Variants in TLL1 observed in about 807,000 individuals in gnomAD.
TLL1 encodes tolloid-like protein 1.
In TLL1, 49 loss-of-function variants were observed where a neutral mutation model predicts 128.2. That is an observed-to-expected ratio of 0.38 (90% confidence interval 0.30 to 0.48). TLL1 has a LOEUF of 0.48. TLL1 is among the 20% of genes least tolerant of loss of function. The probability of loss-of-function intolerance (pLI) is 0.96; values close to 1 mark genes in which losing one functional copy is unlikely to be tolerated. For synonymous variants in TLL1, 454 were observed against 418.8 expected (o/e 1.08, Z -1.03); for missense variants, 1,123 against 1,242.0 (o/e 0.90, Z 1.44).
rs368901691 is a variant in TLL1, at chr4:166,099,476, T to C, written c.2856T>C (p.Phe952=). ...ADCGYDYVEL[F]DGLDSTAVGL... is the part of the protein sequence containing the mutation. Reference sequence around the variant, plus strand: ...GTGGCTATGACTATGTGGAGCTCTTTGATGGTCTTGATTCAACAGCTGTGG... The same window carrying C: ...GTGGCTATGACTATGTGGAGCTCTTCGATGGTCTTGATTCAACAGCTGTGG... The change falls in exon 20 of 21, where the codon TTT becomes TTC. Residue 952 remains phenylalanine, a synonymous_variant. Transcript: ENST00000061240. 203 of 1,613,384 alleles carry C rather than the reference T, an allele frequency of 1.3e-4. No individual in the cohort carries two copies. Among genetic ancestry groups the C allele is most frequent in the Non-Finnish European group, 1.6e-4 (193 of 1,179,638 alleles).
intron 1 of TLL1, among the ~76,000 whole-genome samples, chr4:165,901,321 G>A (rs753636182): frequency 5.3e-5 from 8 of 152,072 alleles, no homozygotes; most frequent in Admixed American, 3.3e-4. Context: ...GAGAAGAGAC[G>A]TTCTTGTTTT....
At chr4:166,030,367 C>T (rs1738708191) in intron 9 of TLL1, 2 of 415,148 alleles carry the variant, frequency 4.8e-6, no homozygotes, top group Admixed American at 8.4e-5. Flanking sequence ...TTGATTTTGT[C>T]TTTCAACTGT....
intron 1 of TLL1, among the ~76,000 whole-genome samples, chr4:165,930,575 C>T (rs1323474486): frequency 6.6e-6 from 1 of 152,026 alleles, no homozygotes; most frequent in African/African-American, 2.4e-5. Flanking sequence ...TTATGGTCCA[C>T]AAAGACTACA....
intron 1 of TLL1, among the ~76,000 whole-genome samples, chr4:165,890,845 G>A (rs1731369205): frequency 1.3e-5 from 2 of 152,232 alleles, no homozygotes; most frequent in South Asian, 4.1e-4. Context: ...TGGGGACTCT[G>A]TGTGGGTGTT....
chr4:166,037,452 A>G (rs1442507396), intron 9 of TLL1, among the ~76,000 whole-genome samples: 1 of 152,202 alleles, frequency 6.6e-6, no homozygotes, highest in Admixed American at 6.5e-5. Flanking sequence ...GTGAAGAAAA[A>G]GAAAAACAGA....
At chr4:166,018,178 A>G (rs1738039215) in intron 8 of TLL1, among the ~76,000 whole-genome samples, 1 of 152,174 alleles carries the variant, frequency 6.6e-6, no homozygotes, top group African/African-American at 2.4e-5. Context: ...AAAGGCAGAC[A>G]AAAACAAGCA....
chr4:165,954,512 C>A lies in TLL1; in HGVS notation c.170-34869C>A, dbSNP rs149326127. Reference sequence around the variant, plus strand: ...AAGAACTGGATTCTGGTTTCTTCTTCATGGCTCTGTGTCCTCTGCTTTTGG... The same window carrying A: ...AAGAACTGGATTCTGGTTTCTTCTTAATGGCTCTGTGTCCTCTGCTTTTGG... On this transcript the variant is annotated intron_variant, in intron 1 of 20. Coordinates refer to ENST00000061240, the MANE Select transcript of TLL1 (RefSeq NM_012464.5). Among the ~76,000 whole-genome samples the A allele has an allele frequency of 3.5e-3, 533 of 152,176 alleles. 6 individuals carry two copies. The highest frequency in any genetic ancestry group is 0.012 in the African/African-American group (500 of 41,548).
At chr4:165,989,571 AT>A in intron 2 of TLL1, 80 bp downstream of exon 2, 4 of 1,009,380 alleles carry the variant, frequency 4.0e-6, no homozygotes, top group East Asian at 2.4e-5. Context: ...TTTTTGGATC[AT>A]TTTTCATCTC....
At chr4:166,006,488 G>A (rs1737432925) in intron 6 of TLL1, among the ~76,000 whole-genome samples, 1 of 151,642 alleles carries the variant, frequency 6.6e-6, no homozygotes, top group Non-Finnish European at 1.5e-5. Flanking sequence ...TAGAGAATCT[G>A]GTCCCATATT....
chr4:165,937,006 C>T (rs913563319), intron 1 of TLL1, among the ~76,000 whole-genome samples: 6 of 152,060 alleles, frequency 3.9e-5, no homozygotes, highest in Non-Finnish European at 8.8e-5. Flanking sequence ...TTTATTGTCC[C>T]TACTTTTAAA....
chr4:165,952,813 T>A (rs904226911), intron 1 of TLL1, among the ~76,000 whole-genome samples: 19 of 152,122 alleles, frequency 1.2e-4, no homozygotes, highest in South Asian at 2.1e-4. Flanking sequence ...AATAAAAAAA[T>A]TTAAAGAAAA....
chr4:165,964,799 T>C (rs1039023390), intron 1 of TLL1, among the ~76,000 whole-genome samples: 1 of 152,070 alleles, frequency 6.6e-6, no homozygotes, highest in Non-Finnish European at 1.5e-5. Context: ...TAGCTGGGCA[T>C]GGTGGTGCAT....
intron 18 of TLL1, among the ~76,000 whole-genome samples, chr4:166,082,853 T>C (rs1439881482): frequency 3.3e-5 from 5 of 151,936 alleles, no homozygotes; most frequent in Admixed American, 3.3e-4. Flanking sequence ...AATTTTTGTA[T>C]TTTTGTAGAG....
chr4:165,885,618 G>A (rs1489112605), intron 1 of TLL1, among the ~76,000 whole-genome samples: 1 of 151,982 alleles, frequency 6.6e-6, no homozygotes, highest in African/African-American at 2.4e-5. Context: ...AACTACCAAA[G>A]AGTAGCAAGG....
intron 1 of TLL1, among the ~76,000 whole-genome samples, chr4:165,982,616 A>G (rs898218651): frequency 1.3e-5 from 2 of 151,736 alleles, no homozygotes; most frequent in African/African-American, 4.8e-5. Context: ...GTTGTAGTAC[A>G]GTTTTTCTCA....
In TLL1 at chr4:166,103,510, G is replaced by T. The variant is rs1742379063; in HGVS notation, c.*2634G>T. Reference sequence around the variant, plus strand: ...GATATTCTGATTGACATCTTATTAGGCCATAGTGAGCTATGCTCTGCACAA... The same window carrying T: ...GATATTCTGATTGACATCTTATTAGTCCATAGTGAGCTATGCTCTGCACAA... On this transcript the variant is annotated 3_prime_UTR_variant, in exon 21 of 21. Coordinates refer to ENST00000061240, the MANE Select transcript of TLL1 (RefSeq NM_012464.5). 6.6e-6 allele frequency: 1 copy of T among 151,610 alleles called. No individual in the cohort carries two copies. The highest frequency in any genetic ancestry group is 2.1e-4 in the South Asian group (1 of 4,820). 9.4% of individuals were successfully genotyped at this position (151,610 alleles called of 1,614,324 possible).
intron 11 of TLL1, 40 bp from the exon 12 acceptor site, chr4:166,043,234 T>C (rs371047641): frequency 3.1e-6 from 5 of 1,613,388 alleles, no homozygotes; most frequent in African/African-American, 1.3e-5. Flanking sequence ...AAATAGCATG[T>C]CCAGGCTTAG....
intron 17 of TLL1, among the ~76,000 whole-genome samples, chr4:166,076,994 G>A (rs1368527310): frequency 3.3e-5 from 5 of 152,082 alleles, no homozygotes; most frequent in Non-Finnish European, 7.4e-5. Context: ...CAAGTGTGTT[G>A]TCCATTGAAT....
At chr4:165,882,936 C>T (rs566077482) in intron 1 of TLL1, among the ~76,000 whole-genome samples, 28 of 151,908 alleles carry the variant, frequency 1.8e-4, no homozygotes, top group African/African-American at 6.8e-4. Flanking sequence ...AGTTAACACA[C>T]AGAAAGAAGA....
Sources: allele counts gnomAD v4.1 joint callset (sites outside exome capture counted in the v4.1 genomes callset), GRCh38; gene constraint gnomAD v4.1.1; transcripts MANE v1.5; gene names NCBI Gene and HGNC (gene_info 2026-07-23, HGNC 2026-07-21).